The following PALM2AKAP2 variants were observed in gnomAD, a reference collection of about 807,000 sequenced individuals.
The protein encoded by PALM2AKAP2 is PALM2-AKAP2 fusion protein.
A neutral mutation model predicts 71.5 loss-of-function variants in PALM2AKAP2; 37 were observed. The ratio of observed to expected loss-of-function variants is 0.52; its 90% CI spans 0.40 to 0.68. The LOEUF is 0.68. Ranked by LOEUF, PALM2AKAP2 falls within the 30% of genes least tolerant of loss-of-function variation. The probability of loss-of-function intolerance (pLI) is 0.00; values close to 1 mark genes in which losing one functional copy is unlikely to be tolerated. For missense variants in PALM2AKAP2, 1,224 were observed against 1,191.8 expected (o/e 1.03, Z -0.40); for synonymous variants, 468 against 478.8 (o/e 0.98, Z 0.29).
chr9:109,920,107 T>G (rs1225402114), intron 3 of PALM2AKAP2, among the ~76,000 whole-genome samples: 2 of 152,180 alleles, frequency 1.3e-5, no homozygotes, highest in Non-Finnish European at 2.9e-5. Context: ...GTTATTGTCT[T>G]GGCATTGGAA....
intron 1 of PALM2AKAP2, among the ~76,000 whole-genome samples, chr9:109,855,663 T>C (rs10980088): frequency 0.11 from 17,223 of 152,230 alleles, 1,149 homozygotes; most frequent in East Asian, 0.19. Flanking sequence ...CCTGAGTCCA[T>C]CTAGAAATTG....
intron 1 of PALM2AKAP2, among the ~76,000 whole-genome samples, chr9:109,841,952 G>C (rs968856982): frequency 6.9e-6 from 1 of 145,144 alleles, no homozygotes; most frequent in Non-Finnish European, 1.5e-5. Flanking sequence ...AAGGAAAGAG[G>C]GGAGGGTGAG....
chr9:109,708,428 T>C (rs1828176559), intron 1 of PALM2AKAP2, among the ~76,000 whole-genome samples: 2 of 152,228 alleles, frequency 1.3e-5, no homozygotes, highest in Non-Finnish European at 1.5e-5. Flanking sequence ...ATGACAATGA[T>C]GATTTTGGAA....
At chr9:109,816,113 A>G (rs1186359020) in intron 1 of PALM2AKAP2, among the ~76,000 whole-genome samples, 3 of 152,214 alleles carry the variant, frequency 2.0e-5, no homozygotes, top group Non-Finnish European at 4.4e-5. Flanking sequence ...AGATCCCTGG[A>G]CAGTGTTGAG....
At chr9:109,646,724 G>A (rs1564100303) in intron 1 of PALM2AKAP2, among the ~76,000 whole-genome samples, 1 of 152,140 alleles carries the variant, frequency 6.6e-6, no homozygotes, top group Non-Finnish European at 1.5e-5. Flanking sequence ...AGGTACTTGC[G>A]ATAAATGGTG....
chr9:109,666,011 A>T (rs991310183), intron 1 of PALM2AKAP2, among the ~76,000 whole-genome samples: 5 of 152,358 alleles, frequency 3.3e-5, no homozygotes, highest in African/African-American at 1.2e-4. Flanking sequence ...ACGGGAGAGA[A>T]TCACCTTGTC....
chr9:109,778,657 G>A (rs1331201177), upstream of PALM2AKAP2, among the ~76,000 whole-genome samples: 3 of 152,204 alleles, frequency 2.0e-5, no homozygotes, highest in African/African-American at 7.2e-5. Flanking sequence ...TTGGTCAGAG[G>A]AGTAATTGTT....
intron 2 of PALM2AKAP2, among the ~76,000 whole-genome samples, chr9:110,144,325 T>C (rs985193713): frequency 6.6e-6 from 1 of 152,268 alleles, no homozygotes; most frequent in African/African-American, 2.4e-5. Flanking sequence ...CTAAAGCTTA[T>C]TGTGGAGTGT....
chr9:109,741,502 G>A (rs1451940351), intron 1 of PALM2AKAP2, among the ~76,000 whole-genome samples: 1 of 152,180 alleles, frequency 6.6e-6, no homozygotes, highest in African/African-American at 2.4e-5. Flanking sequence ...GTCATAGGGC[G>A]ACAGATGTTT....
intron 1 of PALM2AKAP2, among the ~76,000 whole-genome samples, chr9:109,702,094 G>A (rs1042076092): frequency 6.6e-6 from 1 of 152,150 alleles, no homozygotes; most frequent in African/African-American, 2.4e-5. Flanking sequence ...GGAAACAACA[G>A]GTGCTGGAGA....
At chr9:109,911,581 A>G (rs1376671518) in intron 3 of PALM2AKAP2, among the ~76,000 whole-genome samples, 1 of 152,230 alleles carries the variant, frequency 6.6e-6, no homozygotes, top group African/African-American at 2.4e-5. Context: ...AAATCAGTCC[A>G]ATATTGTTCT....
At chr9:109,775,649 C>T (rs1829339180), upstream of PALM2AKAP2, among the ~76,000 whole-genome samples, 1 of 152,210 alleles carries the variant, frequency 6.6e-6, no homozygotes, top group African/African-American at 2.4e-5. Context: ...CCTGGCATTC[C>T]TTTCAAAATT....
At chr9:110,045,491 C>A (rs1412325712), upstream of PALM2AKAP2, among the ~76,000 whole-genome samples, 1 of 152,186 alleles carries the variant, frequency 6.6e-6, no homozygotes, top group Non-Finnish European at 1.5e-5. Context: ...CATCTGGGAG[C>A]TGTTAACGCA....
chr9:110,104,350 C>T (rs1371370082), intron 1 of PALM2AKAP2, among the ~76,000 whole-genome samples: 2 of 152,104 alleles, frequency 1.3e-5, no homozygotes, highest in African/African-American at 2.4e-5. Flanking sequence ...CAGCACAAAT[C>T]GTACCTTACT....
intron 3 of PALM2AKAP2, among the ~76,000 whole-genome samples, chr9:109,906,843 GCTTT>G (rs1830457029): frequency 6.6e-6 from 1 of 152,102 alleles, no homozygotes; most frequent in African/African-American, 2.4e-5. Context: ...AACTCAAATG[GCTTT>G]CTGTTACTTT....
At chr9:109,774,105 G>T (rs567636411) in intron 1 of PALM2AKAP2, among the ~76,000 whole-genome samples, 1 of 152,120 alleles carries the variant, frequency 6.6e-6, no homozygotes, top group Admixed American at 6.5e-5. Flanking sequence ...GAATGTACAC[G>T]GCATTATTGA....
exon 2 of PALM2AKAP2, chr9:110,137,749 G>C: frequency 6.2e-7 from 1 of 1,614,124 alleles, no homozygotes; most frequent in Non-Finnish European, 8.5e-7. Context: ...GTGACAGCGG[G>C]GCATCCAATG....
At chr9:109,917,991 G>A (rs910280246) in intron 3 of PALM2AKAP2, among the ~76,000 whole-genome samples, 1 of 152,154 alleles carries the variant, frequency 6.6e-6, no homozygotes, top group African/African-American at 2.4e-5. Context: ...TAGATATTGA[G>A]AAGACCACTC....
At chr9:109,800,988 T>C (rs185854371) in intron 1 of PALM2AKAP2, among the ~76,000 whole-genome samples, 2 of 152,282 alleles carry the variant, frequency 1.3e-5, no homozygotes. Context: ...ACTCAAGCTG[T>C]ATAGCAGTAA....
Sources: gnomAD v4.1 joint callset for allele counts (sites outside exome capture counted in the v4.1 genomes callset) on GRCh38, gnomAD v4.1.1 for gene constraint, MANE v1.5 for transcripts, NCBI Gene and HGNC (gene_info 2026-07-23, HGNC 2026-07-21) for gene names.